The following HIP1R variants were observed in gnomAD, a reference collection of about 807,000 sequenced individuals.
The protein encoded by HIP1R is huntingtin-interacting protein 1-related protein.
HIP1R carries 135 observed loss-of-function variants against 144.2 expected under a neutral mutation model. The ratio of observed to expected loss-of-function variants is 0.94; its 90% confidence interval spans 0.81 to 1.08. The LOEUF (loss-of-function observed/expected upper bound fraction) is 1.08, where lower values mean the gene tolerates loss of function less well. HIP1R is among the 50% of genes least tolerant of loss of function. The pLI, the probability that HIP1R is intolerant of heterozygous loss-of-function variation, is 0.00. For missense variants in HIP1R, 1,462 were observed against 1,432.8 expected, an observed-to-expected ratio of 1.02 and a Z score of -0.33; for synonymous variants, 698 against 612.8, an observed-to-expected ratio of 1.14 and a Z score of -2.05.
At chr12:122,849,211 C>T (rs988079823) in intron 4 of HIP1R, among the ~76,000 whole-genome samples, 16 of 152,278 alleles carry the variant, frequency 1.1e-4, no homozygotes, top group African/African-American at 3.6e-4. Context: ...GACTGGAGGT[C>T]TGCATTTTGA....
chr12:122,835,441 C>CGGGCCCGGGCGCGGCGCGGT (rs1391116356), upstream of HIP1R: 1 of 1,143,982 alleles, frequency 8.7e-7, no homozygotes, highest in Admixed American at 4.9e-5. Flanking sequence ...CCCCGGCGGG[C>CGGGCCCGGGCGCGGCGCGGT]GGGCCCGGGC....
At chr12:122,842,020 G>A (rs1412407085) in intron 1 of HIP1R, among the ~76,000 whole-genome samples, 2 of 152,156 alleles carry the variant, frequency 1.3e-5, no homozygotes, top group Admixed American at 1.3e-4. Flanking sequence ...GTCTGCTGGA[G>A]CTGACCCAGC....
At position 122,856,710 on chromosome 12, in the gene HIP1R, T is replaced by A; in HGVS notation, c.1604T>A (p.Leu535Gln). The A allele has an allele frequency of 6.3e-7, 1 of 1,579,664 alleles. No homozygotes were observed. Among genetic ancestry groups the A allele is most frequent in the Non-Finnish European group, 8.6e-7 (1 of 1,163,184 alleles). ...GAGCTGGCCCGCGCGCAGGAGGCCC[T>A]GAGCCACACAGAGCAGGTGCATCTG... is the stretch of plus-strand genomic sequence containing the variant. ...AGELARAQEA[L>Q]SHTEQSKSEL... The change falls in exon 17 of 32, where the codon CTG (leucine) becomes CAG (glutamine). Residue 535 changes from leucine (L) to glutamine (Q), a missense_variant. Transcript: ENST00000253083.
rs1011053043 is a variant in HIP1R, at chr12:122,849,004, C to G, written c.357+152C>G. 4 of 781,566 alleles carry G rather than the reference C, an allele frequency of 5.1e-6. No individual in the cohort carries two copies. In the African/African-American group the frequency reaches 6.8e-5, roughly 13 times the overall value. 48.4% of individuals were successfully genotyped at this position (781,566 alleles called of 1,614,324 possible). A position where few individuals can be genotyped will look rare whatever the true frequency, so the allele number is the denominator to read the frequency against. The stretch of plus-strand genomic sequence containing the variant: ...GGAGGGGCAGCACGGGGAGATGCTG[C>G]CTGCCTTTGAGGGCCTGGCCCAGGG... On this transcript the variant is annotated intron_variant, in intron 4 of 31. Transcript: ENST00000253083.
At chr12:122,847,435 C>T (rs2033241336) in intron 1 of HIP1R, among the ~76,000 whole-genome samples, 1 of 152,242 alleles carries the variant, frequency 6.6e-6, no homozygotes, top group Admixed American at 6.5e-5. Context: ...CTTCCTCCGC[C>T]CCTGGCTGGG....
rs1299280284 is a variant in HIP1R, at chr12:122,857,040, C to T, written c.1640C>T (p.Ser547Leu). The change falls in exon 18 of 32, where the codon TCA becomes TTA. Residue 547 changes from serine to leucine, a missense_variant. Physicochemically the swap from Ser to Leu is moderately radical, Grantham distance 145. Transcript: ENST00000253083. Reference protein sequence around the residue: ...HTEQSKSELSSRLDTLSAEKD... With the variant: ...HTEQSKSELSLRLDTLSAEKD... Reference sequence around the variant, plus strand: ...CCACAGAGCAAGTCGGAGCTGAGCTCACGGCTGGACACGCTGAGTGCGGAG... The same window carrying T: ...CCACAGAGCAAGTCGGAGCTGAGCTTACGGCTGGACACGCTGAGTGCGGAG... 2 of 1,549,958 alleles carry T rather than the reference C, an allele frequency of 1.3e-6. No homozygotes were observed. Among genetic ancestry groups the T allele is most frequent in the East Asian group, 2.4e-5 (1 of 41,072 alleles).
intron 1 of HIP1R, among the ~76,000 whole-genome samples, 184 bp from the exon 2 acceptor site, chr12:122,847,847 G>A (rs2033254752): frequency 6.6e-6 from 1 of 152,188 alleles, no homozygotes; most frequent in Non-Finnish European, 1.5e-5. Context: ...AGTTCCAGCT[G>A]CACCGATCAG....
chr12:122,853,197 G>C (rs1257870229), intron 7 of HIP1R, among the ~76,000 whole-genome samples: 1 of 152,136 alleles, frequency 6.6e-6, no homozygotes, highest in Non-Finnish European at 1.5e-5. Flanking sequence ...CCACTTGGTA[G>C]TTCTGATACA....
At position 122,858,203 on chromosome 12, in the gene HIP1R, G is replaced by C. The variant is rs774611542; in HGVS notation, c.1917G>C (p.Val639=). 6.2e-7 allele frequency: 1 copy of C among 1,608,204 alleles called. No individual in the cohort carries two copies. Among genetic ancestry groups the C allele is most frequent in the South Asian group, 1.1e-5 (1 of 90,788 alleles). The part of the protein sequence containing the change: ...AEAAGILQDA[V]SKLDDPLHLR... ...CCGCGGGCATCCTGCAGGATGCCGT[G>C]AGCAAGCTGGACGACCCCCTGCACC... Residue 639 remains valine, a synonymous_variant, in exon 19 of 32, where the codon GTG becomes GTC. Coordinates refer to ENST00000253083, the MANE Select transcript of HIP1R (RefSeq NM_003959.3).
In HIP1R at chr12:122,860,956, A is replaced by G. The variant is rs150590129; in HGVS notation, c.2807A>G (p.Gln936Arg). The change falls in exon 29 of 32, where the codon CAG (glutamine) becomes CGG (arginine). Residue 936 changes from glutamine (Q) to arginine (R), a missense_variant. Around this residue, in one of 2 missense-constraint regions of HIP1R, gnomAD observed 1,112 missense variants for 1,011.7 expected, o/e 1.10. Transcript: ENST00000253083. ...NKHSPHLSRLQECSRTVNERA... is the reference protein window; with the variant it reads ...NKHSPHLSRLRECSRTVNERA... ...CACAGCCCCCACCTGAGCCGCCTGC[A>G]GGAATGTTCTCGCACAGTCAATGAG... 6 of 1,613,354 alleles carry G rather than the reference A, an allele frequency of 3.7e-6. No individual in the cohort carries two copies. The African/African-American group carries it at 6.7e-5, about 18-fold the overall frequency.
At position 122,850,902 on chromosome 12, in the gene HIP1R, TCAA is replaced by T. The variant is rs778061759; in HGVS notation, c.512_514del (p.Asn171del). Reference sequence around the variant, plus strand: ...CTGGAGAAGGCAGCTGGGACCGATGTCAACAACATGTGAGTCACTCTGCATGGC... The same window carrying T: ...CTGGAGAAGGCAGCTGGGACCGATGTCAACATGTGAGTCACTCTGCATGGC... On this transcript the variant is annotated inframe_deletion, in exon 6 of 32. Transcript: ENST00000253083. 19 of 1,610,366 alleles carry T rather than the reference TCAA, an allele frequency of 1.2e-5. No homozygotes were observed. Among genetic ancestry groups the T allele is most frequent in the East Asian group, 2.2e-5 (1 of 44,616 alleles).
chr12:122,857,862 C>T, intron 18 of HIP1R: 1 of 415,510 alleles, frequency 2.4e-6, no homozygotes, highest in Non-Finnish European at 4.3e-6. Context: ...GCTACCTGGC[C>T]ATTTGTGTAT....
intron 1 of HIP1R, among the ~76,000 whole-genome samples, chr12:122,842,969 C>A (rs2033099749): frequency 6.6e-6 from 1 of 152,218 alleles, no homozygotes; most frequent in South Asian, 2.1e-4. Flanking sequence ...GAGCTGAAGG[C>A]CGCAGCCCAG....
chr12:122,855,115 C>T lies in HIP1R; in HGVS notation c.839C>T (p.Pro280Leu). The stretch of plus-strand genomic sequence containing the variant: ...TACTTCAAGCGGCTCATCCAGATCC[C>T]CCGGCTGCCCGAGGTACCACCCCCA... ...MLYFKRLIQI[P>L]RLPEGPPNFL... The change falls in exon 10 of 32, where the codon CCC (proline) becomes CTC (leucine). Residue 280 changes from proline (P) to leucine (L), a missense_variant. By Grantham distance (98) the Pro-to-Leu change is moderately conservative. Coordinates refer to ENST00000253083, the MANE Select transcript of HIP1R (RefSeq NM_003959.3). The T allele has an allele frequency of 6.2e-7, 1 of 1,613,642 alleles. No homozygotes were observed. Among genetic ancestry groups the T allele is most frequent in the Non-Finnish European group, 8.5e-7 (1 of 1,180,018 alleles).
Position 122,860,209 on chromosome 12 carries a change from G to C in HIP1R, c.2558G>C (p.Arg853Thr), listed in dbSNP as rs767159723. The change falls in exon 26 of 32, where the codon AGG becomes ACG. Residue 853 changes from arginine to threonine, a missense_variant and splice_region_variant. This residue lies in a region of HIP1R where 1,112 missense variants were observed against 1,011.7 expected (regional missense o/e 1.10). Coordinates refer to ENST00000253083, the MANE Select transcript of HIP1R (RefSeq NM_003959.3). ...SLQKEIVESGRGAATQQEFYA... is the reference protein window; with the variant it reads ...SLQKEIVESGTGAATQQEFYA... ...CAGAAGGAGATCGTGGAGAGCGGCA[G>C]GGTGAGGGGCCGGCGGCAGCAGGGC... 1.9e-6 allele frequency: 3 copies of C among 1,559,210 alleles called. No individual in the cohort carries two copies. In the African/African-American group the frequency reaches 4.1e-5, roughly 21 times the overall value.
intron 27 of HIP1R, 38 bp from the exon 28 acceptor site, chr12:122,860,641 G>A: frequency 6.3e-7 from 1 of 1,596,478 alleles, no homozygotes; most frequent in Non-Finnish European, 8.6e-7. Flanking sequence ...CGTCCGTGGG[G>A]TCAGAGACCC....
In HIP1R at chr12:122,840,680, G is replaced by A. The variant is rs576397354; in HGVS notation, c.93+5037G>A. Among the ~76,000 whole-genome samples, 1 of 152,226 alleles carries A rather than the reference G, an allele frequency of 6.6e-6. No homozygotes were observed. Among genetic ancestry groups the A allele is most frequent in the African/African-American group, 2.4e-5 (1 of 41,456 alleles). ...TGCCCTTAGATTAGCTGTAAGCGGA[G>A]GCCTTGTGTGCTGGGGCGGTTGGGG... On this transcript the variant is annotated intron_variant, in intron 1 of 31. Transcript: ENST00000253083. This position sits in a 1 kb window ranked among gnomAD's most constrained non-coding sequence, Gnocchi z 4.2.
At chr12:122,850,274 C>T (rs768220391) in intron 5 of HIP1R, 3 of 539,860 alleles carry the variant, frequency 5.6e-6, no homozygotes, top group South Asian at 3.1e-5. Context: ...TGCCCTCTGC[C>T]ACCTATGTGG....
rs1203323643 is a variant in HIP1R at position 122,848,766 on chromosome 12, TC to T, written c.301-25del. On this transcript the variant is annotated intron_variant, in intron 3 of 31. Coordinates refer to ENST00000253083, the MANE Select transcript of HIP1R (RefSeq NM_003959.3). ...GGCCCTGCCACACGGTCCTGGACAC[TC>T]CCCCACTCCCGTATTCCCTGCGCTG... The T allele has an allele frequency of 3.7e-6, 6 of 1,612,030 alleles. No homozygotes were observed. In the Admixed American group the frequency reaches 1.0e-4, roughly 27 times the overall value.
Sources: allele counts gnomAD v4.1 joint callset (sites outside exome capture counted in the v4.1 genomes callset), GRCh38; gene constraint gnomAD v4.1.1; regional missense constraint gnomAD v4.1.1; non-coding constraint Gnocchi (gnomAD v3.1); transcripts MANE v1.5; gene names NCBI Gene and HGNC (gene_info 2026-07-23, HGNC 2026-07-21).